UQCRC1: variants seen among roughly 807,000 people sequenced by gnomAD.
UQCRC1 encodes the protein cytochrome b-c1 complex subunit 1, mitochondrial.
A neutral mutation model predicts 58.0 loss-of-function variants in UQCRC1; 34 were observed. That is an observed-to-expected ratio of 0.59 (90% CI 0.45 to 0.78). The LOEUF (loss-of-function observed/expected upper bound fraction) is 0.78, where lower values mean the gene tolerates loss of function less well. Among genes scored for constraint, UQCRC1 ranks in the 30% least tolerant of loss-of-function variants. UQCRC1 has a pLI of 0.00. For missense variants in UQCRC1, 610 were observed against 646.0 expected (o/e 0.94, Z 0.60); for synonymous variants, 276 against 248.8 (o/e 1.11, Z -1.03).
intron 2 of UQCRC1, among the ~76,000 whole-genome samples, chr3:48,608,930 C>A (rs2046437311): frequency 6.6e-6 from 1 of 152,160 alleles, no homozygotes; most frequent in African/African-American, 2.4e-5. Context: ...AAGAATTTGG[C>A]CGCCTACTTA....
At chr3:48,606,741 C>CAAA (rs1356140060) in intron 2 of UQCRC1, among the ~76,000 whole-genome samples, 2 of 107,552 alleles carry the variant, frequency 1.9e-5, no homozygotes, top group African/African-American at 6.8e-5. Flanking sequence ...GACTCCATCT[C>CAAA]AAAAAAAAAA....
chr3:48,599,859 T>C (rs1468980388), intron 11 of UQCRC1, 149 bp from the exon 12 acceptor site: 14 of 1,027,862 alleles, frequency 1.4e-5, no homozygotes, highest in Non-Finnish European at 1.9e-5. Flanking sequence ...ATCCCTGCTA[T>C]AGACCTCCAT....
intron 4 of UQCRC1, 65 bp downstream of exon 4, chr3:48,604,586 G>A: frequency 2.5e-6 from 4 of 1,607,834 alleles, no homozygotes; most frequent in Non-Finnish European, 3.4e-6. Context: ...GGTCAGCCAG[G>A]GGCTCCTAGG....
chr3:48,599,337 G>A (rs2046340209), intron 12 of UQCRC1, 145 bp from the exon 13 acceptor site: 2 of 977,614 alleles, frequency 2.0e-6, no homozygotes, highest in Admixed American at 2.8e-5. Context: ...CATTCCCCCA[G>A]GGGTGCTGAG....
intron 4 of UQCRC1, 72 bp from the exon 5 acceptor site, chr3:48,604,503 G>A (rs991036203): frequency 5.0e-6 from 8 of 1,589,142 alleles, no homozygotes; most frequent in African/African-American, 2.7e-5. Context: ...AAATCCCCAG[G>A]CCTGGCATCT....
rs745399167 is a variant in UQCRC1, at chr3:48,599,668, T to G, written c.1345A>C (p.Ile449Leu). 6 of 1,613,892 alleles carry G rather than the reference T, an allele frequency of 3.7e-6. No individual in the cohort carries two copies. The highest frequency in any genetic ancestry group is 4.2e-6 in the Non-Finnish European group (5 of 1,179,974). The change falls in exon 12 of 13, where the codon ATC becomes CTC. Residue 449 changes from isoleucine to leucine, a missense_variant. Transcript: ENST00000203407. ...SVVREICSKY[I>L]YDQCPAVAGY... ...GCCACTGCTGGGCACTGGTCATAGA[T>G]GTACTTGGAGCAGATCTCACGTACC...
At chr3:48,604,109 G>A (rs2046389786) in intron 5 of UQCRC1, 124 bp downstream of exon 5, 7 of 1,019,866 alleles carry the variant, frequency 6.9e-6, no homozygotes, top group South Asian at 6.0e-5. Context: ...TACAGAAACT[G>A]TCTCCAGTTG....
At chr3:48,605,935 G>A (rs946351526) in intron 2 of UQCRC1, 79 bp from the exon 3 acceptor site, 10 of 1,384,714 alleles carry the variant, frequency 7.2e-6, no homozygotes, top group African/African-American at 1.5e-5. Flanking sequence ...GAGTGACTCA[G>A]TACAAGCCCC....
rs1361347537 is a variant in UQCRC1 at position 48,609,061 on chromosome 3, A to G, written c.210+101T>C. ...TGAGTGGTCCTGGGTCCGAACCCAAACCACAAACGGGAAGACTCGAGCCCA... is the reference window on the plus strand; with the variant it reads ...TGAGTGGTCCTGGGTCCGAACCCAAGCCACAAACGGGAAGACTCGAGCCCA... On this transcript the variant is annotated intron_variant, in intron 2 of 12. Coordinates refer to ENST00000203407, the MANE Select transcript of UQCRC1 (RefSeq NM_003365.3). The G allele has an allele frequency of 2.7e-6, 4 of 1,500,120 alleles. No homozygotes were observed. In the East Asian group the frequency reaches 9.4e-5, roughly 35 times the overall value. The allele number at this position is 1,500,120 out of a possible 1,614,324, so 92.9% of individuals were successfully genotyped here.
intron 5 of UQCRC1, 31 bp downstream of exon 5, chr3:48,604,202 G>C (rs1198852065): frequency 6.2e-7 from 1 of 1,609,150 alleles, no homozygotes; most frequent in Non-Finnish European, 8.5e-7. Flanking sequence ...AATGGAGCAA[G>C]CATCCCCCCA....
chr3:48,607,794 C>T (rs2046428045), intron 2 of UQCRC1, among the ~76,000 whole-genome samples: 1 of 152,024 alleles, frequency 6.6e-6, no homozygotes, highest in Non-Finnish European at 1.5e-5. Flanking sequence ...TTATCCATCA[C>T]CAGAATAACA....
intron 12 of UQCRC1, 157 bp from the exon 13 acceptor site, chr3:48,599,349 CT>C: frequency 1.1e-6 from 1 of 900,464 alleles, no homozygotes; most frequent in Non-Finnish European, 1.7e-6. Flanking sequence ...GGTGCTGAGC[CT>C]GTCCCTTCAT....
chr3:48,599,997 A>C, intron 11 of UQCRC1, 66 bp downstream of exon 11: 3 of 1,595,098 alleles, frequency 1.9e-6, no homozygotes, highest in Non-Finnish European at 2.6e-6. Context: ...GCCAGGCCCC[A>C]ACCCTACACC....
rs143056020 is a variant in UQCRC1 at position 48,609,204 on chromosome 3, G to A, written c.168C>T (p.Gly56=). The part of the protein sequence containing the change: ...PETQVSLLDN[G]LRVASEQSSQ... ...AGGACTGCTCGGAGGCCACACGCAG[G>A]CCGTTGTCCAGCAGGCTAACCTGCG... Residue 56 remains glycine (G), a synonymous_variant, in exon 2 of 13, where the codon GGC becomes GGT. Transcript: ENST00000203407. 1.7e-5 allele frequency: 28 copies of A among 1,612,720 alleles called. No homozygotes were observed. The African/African-American group carries it at 1.9e-4, about 11-fold the overall frequency.
At chr3:48,602,275 G>T (rs1316808972) in intron 6 of UQCRC1, among the ~76,000 whole-genome samples, 1 of 151,900 alleles carries the variant, frequency 6.6e-6, no homozygotes, top group Non-Finnish European at 1.5e-5. Flanking sequence ...ATGGTCTCGA[G>T]CTCCTGATCT....
At chr3:48,607,107 T>C (rs1259389119) in intron 2 of UQCRC1, among the ~76,000 whole-genome samples, 3 of 151,534 alleles carry the variant, frequency 2.0e-5, no homozygotes, top group African/African-American at 7.3e-5. Flanking sequence ...AGTGGTGCGA[T>C]CTTGGCTCAC....
At position 48,600,706 on chromosome 3, in the gene UQCRC1, G is replaced by T; in HGVS notation, c.1101C>A (p.Asp367Glu). 1 of 1,614,186 alleles carries T rather than the reference G, an allele frequency of 6.2e-7. No individual in the cohort carries two copies. The change falls in exon 9 of 13, where the codon GAC (aspartate) becomes GAA (glutamate). Residue 367 changes from aspartate (D) to glutamate (E), a missense_variant. By Grantham distance (45) the Asp-to-Glu change is conservative. Coordinates refer to ENST00000203407, the MANE Select transcript of UQCRC1 (RefSeq NM_003365.3). Reference protein sequence around the residue: ...HFVCDRMKIDDMMFVLQGQWM... With the variant: ...HFVCDRMKIDEMMFVLQGQWM... ...ACTGCCCTTGCAGGACGAACATCATGTCATCGATTTTCATTCGGTCACAGA... is the reference window on the plus strand; with the variant it reads ...ACTGCCCTTGCAGGACGAACATCATTTCATCGATTTTCATTCGGTCACAGA...
At chr3:48,600,289 G>A (rs1575511726) in intron 10 of UQCRC1, 138 bp from the exon 11 acceptor site, 2 of 1,109,952 alleles carry the variant, frequency 1.8e-6, no homozygotes, top group Non-Finnish European at 2.6e-6. Context: ...CTCTTCTATG[G>A]TCACCTATTA....
intron 2 of UQCRC1, among the ~76,000 whole-genome samples, chr3:48,607,762 T>C (rs1005514931): frequency 1.3e-5 from 2 of 152,060 alleles, no homozygotes; most frequent in Admixed American, 6.6e-5. Context: ...AATGCACAAG[T>C]AGTCAAATCA....
Sources: allele counts gnomAD v4.1 joint callset (sites outside exome capture counted in the v4.1 genomes callset), GRCh38; gene constraint gnomAD v4.1.1; transcripts MANE v1.5; gene names NCBI Gene and HGNC (gene_info 2026-07-23, HGNC 2026-07-21).